The following EFR3B variants were observed in gnomAD, a reference collection of about 807,000 sequenced individuals.
EFR3B encodes the protein protein EFR3 homolog B.
EFR3B carries 64 observed loss-of-function variants against 104.7 expected under a neutral mutation model. That is an observed-to-expected ratio of 0.61 (90% CI 0.50 to 0.75). The LOEUF (loss-of-function observed/expected upper bound fraction) is 0.75. EFR3B is among the 30% of genes least tolerant of loss of function. EFR3B has a pLI of 0.00. For synonymous variants in EFR3B, 385 were observed against 417.9 expected (o/e 0.92, Z 0.96); for missense variants, 750 against 1,078.5 (o/e 0.70, Z 4.27).
At chr2:25,140,552 C>A (rs1415997396) in intron 16 of EFR3B, among the ~76,000 whole-genome samples, 4 of 152,116 alleles carry the variant, frequency 2.6e-5, no homozygotes, top group African/African-American at 9.7e-5. Flanking sequence ...TCGACACACA[C>A]CTGTATGTTG....
In EFR3B at chr2:25,153,716, C is replaced by T. The variant is rs910888823; in HGVS notation, c.2303C>T (p.Ser768Leu). The T allele has an allele frequency of 1.3e-6, 2 of 1,551,700 alleles. No homozygotes were observed. Among genetic ancestry groups the T allele is most frequent in the Non-Finnish European group, 8.7e-7 (1 of 1,146,992 alleles). Reference sequence around the variant, plus strand: ...CTTCCGTGTGTTTGTGTCTAGGCATCGCTGCTCCAGAGCAAACTCAATCAG... The same window carrying T: ...CTTCCGTGTGTTTGTGTCTAGGCATTGCTGCTCCAGAGCAAACTCAATCAG... Reference protein sequence around the residue: ...EIAAHCGARASLLQSKLNQIF... With the variant: ...EIAAHCGARALLLQSKLNQIF... The change falls in exon 22 of 23, where the codon TCG becomes TTG. Residue 768 changes from serine (S) to leucine (L), a missense_variant. By Grantham distance (145) the Ser-to-Leu change is moderately radical. Coordinates refer to ENST00000403714, the MANE Select transcript of EFR3B (RefSeq NM_014971.2).
At chr2:25,089,561 A>G (rs1012216706) in intron 1 of EFR3B, among the ~76,000 whole-genome samples, 2 of 152,140 alleles carry the variant, frequency 1.3e-5, no homozygotes, top group Non-Finnish European at 2.9e-5. Context: ...CCTTGGAAAG[A>G]CACATCCTGG....
intron 16 of EFR3B, 30 bp from the exon 17 acceptor site, chr2:25,141,336 A>C: frequency 6.5e-7 from 1 of 1,549,068 alleles, no homozygotes; most frequent in East Asian, 2.4e-5. Context: ...CTGCTGAACC[A>C]GCTCTTATCT....
In EFR3B at chr2:25,153,576, G is replaced by A. The variant is rs113823468; in HGVS notation, c.2299-136G>A. The A allele has an allele frequency of 2.9e-5, 23 of 805,658 alleles. No homozygotes were observed. In the East Asian group the frequency reaches 3.5e-4, roughly 12 times the overall value. The allele number at this position is 805,658 out of a possible 1,614,324, so 49.9% of individuals were successfully genotyped here. On this transcript the variant is annotated intron_variant, in intron 21 of 22. Coordinates refer to ENST00000403714, the MANE Select transcript of EFR3B (RefSeq NM_014971.2). ...GGGTCCAGTGGATGAGTGCTGGAGC[G>A]TGTTCACCTCTGCCTGCCTTCCTAA...
Position 25,151,939 on chromosome 2 carries a change from G to A in EFR3B, c.2217G>A (p.Gln739=), listed in dbSNP as rs1671020198. Residue 739 remains glutamine, a synonymous_variant, in exon 21 of 23, where the codon CAG becomes CAA. Coordinates refer to ENST00000403714, the MANE Select transcript of EFR3B (RefSeq NM_014971.2). The stretch of plus-strand genomic sequence containing the variant: ...TGGACAGCGTAGCAGTGGAGGAGCA[G>A]GAGCGTGAGCGGCGGCGGCAGGTGG... ...AIVDSVAVEE[Q]ERERRRQVVE... 1 of 1,551,790 alleles carries A rather than the reference G, an allele frequency of 6.4e-7. No homozygotes were observed. The highest frequency in any genetic ancestry group is 8.7e-7 in the Non-Finnish European group (1 of 1,147,010).
At chr2:25,132,165 C>A (rs1019077527) in intron 10 of EFR3B, among the ~76,000 whole-genome samples, 11 of 152,218 alleles carry the variant, frequency 7.2e-5, no homozygotes. Flanking sequence ...CACCCACATG[C>A]TATTCACGGA....
intron 20 of EFR3B, among the ~76,000 whole-genome samples, chr2:25,150,812 T>C (rs1197913215): frequency 2.6e-5 from 4 of 152,124 alleles, no homozygotes; most frequent in Non-Finnish European, 5.9e-5. Context: ...GGTTTCACCA[T>C]GTTGGCCAGG....
intron 1 of EFR3B, among the ~76,000 whole-genome samples, chr2:25,051,633 G>GTTTTTT (rs1239087428): frequency 1.0e-5 from 1 of 98,666 alleles, no homozygotes. Flanking sequence ...TTGTGTGTGT[G>GTTTTTT]TGTGTTTTTT....
chr2:25,138,944 T>TA lies in EFR3B; in HGVS notation c.1723-114dup. 2.8e-6 allele frequency: 4 copies of TA among 1,404,226 alleles called. No individual in the cohort carries two copies. The South Asian group carries it at 3.9e-5, about 14-fold the overall frequency. 87.0% of individuals were successfully genotyped at this position (1,404,226 alleles called of 1,614,324 possible). A position where few individuals can be genotyped will look rare whatever the true frequency, so the allele number is the denominator to read the frequency against. ...TTTGGGTCAAATGCTGAGAAAGACTTAGTCTAGGAAAGCAAGCATTTCTAA... is the reference window on the plus strand; with the variant it reads ...TTTGGGTCAAATGCTGAGAAAGACTTAAGTCTAGGAAAGCAAGCATTTCTAA... On this transcript the variant is annotated intron_variant, in intron 15 of 22. Coordinates refer to ENST00000403714, the MANE Select transcript of EFR3B (RefSeq NM_014971.2).
At chr2:25,111,107 C>G (rs1208130063) in intron 4 of EFR3B, among the ~76,000 whole-genome samples, 1 of 152,164 alleles carries the variant, frequency 6.6e-6, no homozygotes, top group Non-Finnish European at 1.5e-5. Flanking sequence ...TAACTACTTT[C>G]GGCTATAATA....
intron 3 of EFR3B, among the ~76,000 whole-genome samples, chr2:25,098,270 G>A (rs991851895): frequency 1.3e-5 from 2 of 152,126 alleles, no homozygotes. Context: ...GCTCTTGAGC[G>A]ATTCTTGTGC....
Position 25,073,742 on chromosome 2 carries a change from C to T in EFR3B, c.8-17583C>T, listed in dbSNP as rs528868327. ...TCCCAGGCAAGCTTAGGTTCTGAAA[C>T]CACATGCATGTGTGCCCCTTTGCTC... is the stretch of plus-strand genomic sequence containing the variant. On this transcript the variant is annotated intron_variant, in intron 1 of 22. Coordinates refer to ENST00000403714, the MANE Select transcript of EFR3B (RefSeq NM_014971.2). Among the ~76,000 whole-genome samples the T allele has an allele frequency of 1.8e-3, 269 of 152,238 alleles. 1 individual carries two copies. The highest frequency in any genetic ancestry group is 5.8e-3 in the African/African-American group (242 of 41,542).
intron 1 of EFR3B, chr2:25,079,900 A>G: frequency 7.4e-7 from 1 of 1,359,924 alleles, no homozygotes; most frequent in Non-Finnish European, 1.0e-6. Context: ...GGGTTTTCAG[A>G]TCATATTGGC....
intron 2 of EFR3B, among the ~76,000 whole-genome samples, chr2:25,092,642 G>A (rs492393): frequency 0.37 from 55,389 of 150,166 alleles, 12,169 homozygotes; most frequent in Admixed American, 0.53. Flanking sequence ...TCCGCTCCCC[G>A]GGTTCAAGCA....
intron 5 of EFR3B, among the ~76,000 whole-genome samples, chr2:25,126,695 C>A: frequency 6.6e-6 from 1 of 151,778 alleles, no homozygotes; most frequent in East Asian, 2.0e-4. Flanking sequence ...GAGATTTTGC[C>A]ATGTTGCCCA....
At chr2:25,094,282 C>CAAAAAAAAA (rs11455802) in intron 3 of EFR3B, among the ~76,000 whole-genome samples, 39 of 91,208 alleles carry the variant, frequency 4.3e-4, no homozygotes, top group Non-Finnish European at 5.1e-4. Flanking sequence ...GAGACTGTCT[C>CAAAAAAAAA]AAAAAAAAAA....
Position 25,131,127 on chromosome 2 carries a change from A to C in EFR3B, c.850-241A>C, listed in dbSNP as rs1477318724. ...CTATTTTAAAATGGTCTTTTGACCA[A>C]TTTTGAAGTAAAAGGGCCCTGGAAA... On this transcript the variant is annotated intron_variant, in intron 8 of 22. Coordinates refer to ENST00000403714, the MANE Select transcript of EFR3B (RefSeq NM_014971.2). The surrounding 1 kb of genome is among the most constrained non-coding windows in gnomAD (Gnocchi z 7.6). Among the ~76,000 whole-genome samples the C allele has an allele frequency of 2.0e-5, 3 of 152,228 alleles. No homozygotes were observed. Among genetic ancestry groups the C allele is most frequent in the Non-Finnish European group, 4.4e-5 (3 of 68,030 alleles).
At chr2:25,086,368 T>G (rs1483202330) in intron 1 of EFR3B, among the ~76,000 whole-genome samples, 1 of 152,236 alleles carries the variant, frequency 6.6e-6, no homozygotes, top group East Asian at 1.9e-4. Context: ...TGTACCAGTT[T>G]GCATTCCCAC....
intron 4 of EFR3B, among the ~76,000 whole-genome samples, chr2:25,104,418 G>T (rs896843135): frequency 6.6e-6 from 1 of 152,198 alleles, no homozygotes; most frequent in Admixed American, 6.5e-5. Context: ...TCACAAAGTT[G>T]TGCAACCATT....
Sources: allele counts gnomAD v4.1 joint callset (sites outside exome capture counted in the v4.1 genomes callset), GRCh38; gene constraint gnomAD v4.1.1; non-coding constraint Gnocchi (gnomAD v3.1); transcripts MANE v1.5; gene names NCBI Gene and HGNC (gene_info 2026-07-23, HGNC 2026-07-21).